Variants in ADARB2 observed in about 807,000 individuals in gnomAD.
The protein encoded by ADARB2 is adenosine deaminase RNA specific B2 (inactive).
A neutral mutation model predicts 62.2 loss-of-function variants in ADARB2; 25 were observed. That is an observed-to-expected ratio of 0.40 (90% CI 0.29 to 0.56). The LOEUF (loss-of-function observed/expected upper bound fraction) is 0.56, where lower values mean the gene tolerates loss of function less well. ADARB2 is among the 20% of genes least tolerant of loss of function. The probability of loss-of-function intolerance (pLI) is 0.43; values close to 1 mark genes in which losing one functional copy is unlikely to be tolerated. For synonymous variants in ADARB2, 572 were observed against 500.8 expected (o/e 1.14, Z -1.90); for missense variants, 1,071 against 1,077.4 (o/e 0.99, Z 0.08).
intron 1 of ADARB2, among the ~76,000 whole-genome samples, chr10:1,666,897 A>C (rs1196267553): frequency 6.6e-6 from 1 of 152,186 alleles, no homozygotes; most frequent in Non-Finnish European, 1.5e-5. Flanking sequence ...TTGTAGACCC[A>C]TTTGCTCAGG....
intron 1 of ADARB2, chr10:1,535,594 G>A (rs566154727): frequency 2.4e-5 from 4 of 167,396 alleles, no homozygotes; most frequent in Non-Finnish European, 4.4e-5. Flanking sequence ...TTCCCCAGAC[G>A]GCAATGTCGC....
intron 1 of ADARB2, among the ~76,000 whole-genome samples, chr10:1,423,980 G>T (rs935446234): frequency 2.6e-5 from 4 of 152,192 alleles, no homozygotes; most frequent in African/African-American, 9.7e-5. Context: ...CACTATGTAT[G>T]CAGTATGACC....
intron 3 of ADARB2, among the ~76,000 whole-genome samples, chr10:1,338,753 T>C (rs1437429653): frequency 1.3e-5 from 2 of 152,150 alleles, no homozygotes; most frequent in Non-Finnish European, 2.9e-5. Flanking sequence ...AGGAAGGATT[T>C]CTAGGCTGAA....
chr10:1,615,217 T>C (rs1179554446), intron 1 of ADARB2, among the ~76,000 whole-genome samples: 2 of 152,236 alleles, frequency 1.3e-5, no homozygotes, highest in Non-Finnish European at 2.9e-5. Context: ...TAGTGGTCTG[T>C]CTGCCTCCAG....
intron 8 of ADARB2, among the ~76,000 whole-genome samples, chr10:1,190,043 G>GGAC (rs1836819703): frequency 6.6e-6 from 1 of 152,084 alleles, no homozygotes; most frequent in Non-Finnish European, 1.5e-5. Flanking sequence ...GGCGATTGAG[G>GGAC]GACAGAGCCT....
chr10:1,533,218 G>C (rs970147095), intron 1 of ADARB2, among the ~76,000 whole-genome samples: 2 of 151,296 alleles, frequency 1.3e-5, no homozygotes, highest in East Asian at 1.9e-4. Context: ...TCCCTGGTTC[G>C]AGCGATTCTC....
intron 1 of ADARB2, among the ~76,000 whole-genome samples, chr10:1,678,816 A>G (rs566893394): frequency 4.0e-5 from 6 of 150,994 alleles, no homozygotes; most frequent in African/African-American, 1.2e-4. Context: ...TCGTTTCTCC[A>G]CCAAGCCCCC....
At chr10:1,289,583 A>C (rs949625665) in intron 3 of ADARB2, among the ~76,000 whole-genome samples, 1 of 152,340 alleles carries the variant, frequency 6.6e-6, no homozygotes, top group African/African-American at 2.4e-5. Flanking sequence ...GGGCAGACCC[A>C]TCCCACTTTC....
intron 1 of ADARB2, among the ~76,000 whole-genome samples, chr10:1,450,317 G>T (rs10903450): frequency 2.6e-5 from 4 of 152,118 alleles, no homozygotes; most frequent in African/African-American, 9.7e-5. Flanking sequence ...ATCATTATGG[G>T]TGTGTCTGTC....
rs1377616549 is a variant in ADARB2 at position 1,704,155 on chromosome 10, A to G, written c.100+32896T>C. Reference sequence around the variant, plus strand: ...GTCCCCAACCTTTCTGGCACCAGGGATGGCTGGTTTTGTGGAAGACAATTT... The same window carrying G: ...GTCCCCAACCTTTCTGGCACCAGGGGTGGCTGGTTTTGTGGAAGACAATTT... On this transcript the variant is annotated intron_variant, in intron 1 of 9. Transcript: ENST00000381312. The surrounding 1 kb of genome is among the most constrained non-coding windows in gnomAD (Gnocchi z 5.6). 6.6e-6 allele frequency among the ~76,000 whole-genome samples: 1 copy of G among 152,158 alleles called. No individual in the cohort carries two copies. The highest frequency in any genetic ancestry group is 1.5e-5 in the Non-Finnish European group (1 of 68,026).
At chr10:1,422,580 C>G (rs1015524503) in intron 1 of ADARB2, among the ~76,000 whole-genome samples, 2 of 152,276 alleles carry the variant, frequency 1.3e-5, no homozygotes, top group Middle Eastern at 3.4e-3. Context: ...GTGACCCCAG[C>G]CTGCAGGTCA....
intron 4 of ADARB2, among the ~76,000 whole-genome samples, chr10:1,261,434 A>G (rs1403348591): frequency 2.0e-5 from 3 of 149,482 alleles, no homozygotes; most frequent in African/African-American, 7.7e-5. Context: ...CAGAATCTAC[A>G]ATGAACTCAA....
chr10:1,220,845 C>G (rs539232619), intron 6 of ADARB2, among the ~76,000 whole-genome samples: 1 of 152,290 alleles, frequency 6.6e-6, no homozygotes, highest in East Asian at 1.9e-4. Context: ...AACAGGGAGG[C>G]CCTGCTTTAA....
At chr10:1,511,319 C>T (rs959303035) in intron 1 of ADARB2, among the ~76,000 whole-genome samples, 1 of 152,212 alleles carries the variant, frequency 6.6e-6, no homozygotes, top group African/African-American at 2.4e-5. Flanking sequence ...TGAACACCTA[C>T]CCCATGGTGG....
chr10:1,598,352 TA>T (rs1324914623), intron 1 of ADARB2, among the ~76,000 whole-genome samples: 1 of 152,226 alleles, frequency 6.6e-6, no homozygotes, highest in African/African-American at 2.4e-5. Context: ...GTGGGTGCAC[TA>T]AACCCAGACT....
chr10:1,378,311 T>C (rs1564274285), intron 2 of ADARB2, among the ~76,000 whole-genome samples: 1 of 152,116 alleles, frequency 6.6e-6, no homozygotes, highest in Non-Finnish European at 1.5e-5. Context: ...ATTTGCACGG[T>C]GTAGGGGGGC....
At chr10:1,219,892 T>C (rs1038711379) in intron 6 of ADARB2, among the ~76,000 whole-genome samples, 36 of 146,040 alleles carry the variant, frequency 2.5e-4, no homozygotes, top group African/African-American at 9.0e-4. Flanking sequence ...ATGGTGATGG[T>C]GATAATGATG....
intron 1 of ADARB2, among the ~76,000 whole-genome samples, chr10:1,539,073 A>C (rs954514903): frequency 1.3e-5 from 2 of 152,168 alleles, no homozygotes; most frequent in African/African-American, 4.8e-5. Flanking sequence ...TGCATCCTAC[A>C]GCCAGAGTTT....
intron 2 of ADARB2, among the ~76,000 whole-genome samples, chr10:1,374,154 T>C (rs140470748): frequency 1.4e-4 from 21 of 152,310 alleles, no homozygotes; most frequent in African/African-American, 3.8e-4. Context: ...CTGAGGTCTT[T>C]GTGGGCGGCA....
Sources: allele counts gnomAD v4.1 joint callset (sites outside exome capture counted in the v4.1 genomes callset), GRCh38; gene constraint gnomAD v4.1.1; non-coding constraint Gnocchi (gnomAD v3.1); transcripts MANE v1.5; gene names NCBI Gene and HGNC (gene_info 2026-07-23, HGNC 2026-07-21).